Variants in PLEKHA6 observed in about 807,000 individuals in gnomAD.
The protein encoded by PLEKHA6 is pleckstrin homology domain containing A6, also known as pleckstrin homology domain-containing family A member 6.
PLEKHA6 carries 60 observed loss-of-function variants against 116.7 expected under a neutral mutation model. That is an observed-to-expected ratio of 0.51 (90% CI 0.42 to 0.64). The LOEUF is 0.64. Ranked by LOEUF, PLEKHA6 falls within the 30% of genes least tolerant of loss-of-function variation. The probability of loss-of-function intolerance (pLI) is 0.00; values close to 1 mark genes in which losing one functional copy is unlikely to be tolerated. For synonymous variants in PLEKHA6, 489 were observed against 556.1 expected, an observed-to-expected ratio of 0.88 and a Z score of 1.70; for missense variants, 1,338 against 1,422.7, an observed-to-expected ratio of 0.94 and a Z score of 0.96.
At chr1:204,247,561 A>G in intron 12 of PLEKHA6, 101 bp from the exon 13 acceptor site, 1 of 747,550 alleles carries the variant, frequency 1.3e-6, no homozygotes, top group Non-Finnish European at 2.3e-6. Context: ...AGGCACAAAG[A>G]TCTGGGGAAG....
intron 1 of PLEKHA6, chr1:204,311,582 T>C: frequency 4.1e-6 from 4 of 975,420 alleles, no homozygotes; most frequent in Non-Finnish European, 4.9e-6. Flanking sequence ...AAAAAAAAAC[T>C]AATGATAACT....
intron 1 of PLEKHA6, among the ~76,000 whole-genome samples, chr1:204,276,353 C>A (rs140041021): frequency 6.6e-6 from 1 of 152,132 alleles, no homozygotes; most frequent in African/African-American, 2.4e-5. Flanking sequence ...TTCCCACCTC[C>A]CTCCCAGGTC....
intron 1 of PLEKHA6, among the ~76,000 whole-genome samples, chr1:204,349,809 G>A (rs1673216023): frequency 1.3e-5 from 2 of 152,236 alleles, no homozygotes; most frequent in Admixed American, 6.5e-5. Flanking sequence ...CATACCTGAA[G>A]AGCCTTAGTG....
intron 1 of PLEKHA6, among the ~76,000 whole-genome samples, chr1:204,306,426 G>A (rs776598373): frequency 1.8e-4 from 27 of 151,994 alleles, no homozygotes; most frequent in African/African-American, 5.1e-4. Flanking sequence ...CACCTGTCTC[G>A]CCCAAATTTC....
chr1:204,342,237 T>C (rs972031367), intron 1 of PLEKHA6, among the ~76,000 whole-genome samples: 6 of 152,112 alleles, frequency 3.9e-5, no homozygotes, highest in African/African-American at 1.4e-4. Flanking sequence ...CTGAGCACAG[T>C]GGTGCACGCT....
chr1:204,373,262 G>A (rs528532667), intron 1 of PLEKHA6, among the ~76,000 whole-genome samples: 9 of 151,868 alleles, frequency 5.9e-5, no homozygotes, highest in Non-Finnish European at 8.8e-5. Flanking sequence ...CTAATTTTTC[G>A]TGTATTTTCA....
At position 204,230,527 on chromosome 1, in the gene PLEKHA6, C is replaced by T. The variant is rs1208033217; in HGVS notation, c.2469G>A (p.Glu823=). ...GEGKVKMSVE[E]QIDRMRRHQS... ...GGTGCCGCCGCATTCGGTCAATCTG[C>T]TCCTCCACGCTCATCTTGACCTTCC... The change falls in exon 18 of 23, where the codon GAG becomes GAA. Residue 823 remains glutamate (E), a synonymous_variant. Transcript: ENST00000272203. 23 of 1,598,382 alleles carry T rather than the reference C, an allele frequency of 1.4e-5. No individual in the cohort carries two copies. The highest frequency in any genetic ancestry group is 2.0e-5 in the Non-Finnish European group (23 of 1,172,744).
At chr1:204,235,613 CTATT>C (rs1661929748) in intron 17 of PLEKHA6, among the ~76,000 whole-genome samples, 1 of 152,106 alleles carries the variant, frequency 6.6e-6, no homozygotes, top group Non-Finnish European at 1.5e-5. Flanking sequence ...TGCCAGGCGT[CTATT>C]GTTAAAGTGA....
chr1:204,347,389 A>G, intron 1 of PLEKHA6: 1 of 571,340 alleles, frequency 1.8e-6, no homozygotes, highest in South Asian at 2.0e-5. Context: ...CTTGTTCCCT[A>G]AACACTGCTG....
At chr1:204,292,443 C>G (rs533865267) in intron 1 of PLEKHA6, among the ~76,000 whole-genome samples, 1 of 152,342 alleles carries the variant, frequency 6.6e-6, no homozygotes, top group South Asian at 2.1e-4. Context: ...GCTGCCCCGA[C>G]CTGGCTGATG....
chr1:204,241,520 G>T, intron 16 of PLEKHA6, 39 bp from the exon 17 acceptor site: 1 of 1,423,472 alleles, frequency 7.0e-7, no homozygotes, highest in Non-Finnish European at 9.6e-7. Context: ...CTCATGGAGA[G>T]CAGGAAGGCA....
intron 3 of PLEKHA6, among the ~76,000 whole-genome samples, chr1:204,270,047 A>G (rs1667286429): frequency 6.6e-6 from 1 of 151,952 alleles, no homozygotes; most frequent in Admixed American, 6.6e-5. Flanking sequence ...AACCTCCTCT[A>G]CCTATTTTCT....
chr1:204,264,960 G>T lies in PLEKHA6; in HGVS notation c.363C>A (p.Ser121Arg), dbSNP rs1372597575. 1 of 1,613,628 alleles carries T rather than the reference G, an allele frequency of 6.2e-7. No individual in the cohort carries two copies. Among genetic ancestry groups the T allele is most frequent in the South Asian group, 1.1e-5 (1 of 91,070 alleles). ...VAAVQPSDNI[S>R]RKHTFKAEHA... ...AACTGACCTTAAACGTGTGTTTCCG[G>T]CTGATGTTGTCTGAGGGCTGCACTG... The change falls in exon 6 of 23, where the codon AGC becomes AGA. Residue 121 changes from serine to arginine, a missense_variant. Coordinates refer to ENST00000272203, the MANE Select transcript of PLEKHA6 (RefSeq NM_014935.5).
chr1:204,375,775 C>G (rs1042887807), intron 1 of PLEKHA6, among the ~76,000 whole-genome samples: 3 of 151,752 alleles, frequency 2.0e-5, no homozygotes, highest in Non-Finnish European at 4.4e-5. Flanking sequence ...CAAGCTGCCT[C>G]TTCCTACTTT....
At chr1:204,311,304 C>T (rs1186502245) in intron 1 of PLEKHA6, among the ~76,000 whole-genome samples, 1 of 152,136 alleles carries the variant, frequency 6.6e-6, no homozygotes. Flanking sequence ...CCAGCCTGAC[C>T]AACATGGAGA....
At chr1:204,372,012 T>C (rs1178808906) in intron 1 of PLEKHA6, among the ~76,000 whole-genome samples, 1 of 152,140 alleles carries the variant, frequency 6.6e-6, no homozygotes, top group Non-Finnish European at 1.5e-5. Context: ...TTAGAGATGA[T>C]TGCTAAAGTC....
rs574078094 is a variant in PLEKHA6, at chr1:204,244,487, C to A, written c.2172+377G>T. On this transcript the variant is annotated intron_variant, in intron 15 of 22. Coordinates refer to ENST00000272203, the MANE Select transcript of PLEKHA6 (RefSeq NM_014935.5). The stretch of plus-strand genomic sequence containing the variant: ...ATGGTACCCCATGCCCACAGTCGAG[C>A]CCCAGAAAACACTTGCTGATTGACT... Among the ~76,000 whole-genome samples, 289 of 152,222 alleles carry A rather than the reference C, an allele frequency of 1.9e-3. 1 individual carries two copies. Among genetic ancestry groups the A allele is most frequent in the Middle Eastern group, 6.8e-3 (2 of 294 alleles).
At chr1:204,325,116 C>T (rs1309139178) in intron 1 of PLEKHA6, among the ~76,000 whole-genome samples, 1 of 151,988 alleles carries the variant, frequency 6.6e-6, no homozygotes, top group Non-Finnish European at 1.5e-5. Flanking sequence ...CTTCAGTTAC[C>T]CCAATTGCAT....
chr1:204,269,258 A>T (rs1011661083), intron 3 of PLEKHA6, among the ~76,000 whole-genome samples: 1 of 148,738 alleles, frequency 6.7e-6, no homozygotes, highest in African/African-American at 2.5e-5. Flanking sequence ...TGGACCCATC[A>T]GCTCCTCCCG....
Sources: allele counts gnomAD v4.1 joint callset (sites outside exome capture counted in the v4.1 genomes callset), GRCh38; gene constraint gnomAD v4.1.1; transcripts MANE v1.5; gene names NCBI Gene and HGNC (gene_info 2026-07-23, HGNC 2026-07-21).